ROBO1: variants seen among roughly 807,000 people sequenced by gnomAD.
ROBO1 encodes roundabout homolog 1.
Under a neutral mutation model 195.9 loss-of-function variants are expected in ROBO1, and 149 were observed. That is an observed-to-expected ratio of 0.76 (90% confidence interval 0.67 to 0.87). The LOEUF is 0.87. ROBO1 is among the 40% of genes least tolerant of loss of function. The probability of loss-of-function intolerance (pLI) is 0.00; values close to 1 mark genes in which losing one functional copy is unlikely to be tolerated. For missense variants in ROBO1, 1,933 were observed against 2,068.3 expected (o/e 0.93, Z 1.27); for synonymous variants, 816 against 733.2 (o/e 1.11, Z -1.82).
At chr3:79,268,904 AT>A (rs1480611773) in intron 2 of ROBO1, among the ~76,000 whole-genome samples, 1 of 151,674 alleles carries the variant, frequency 6.6e-6, no homozygotes, top group Admixed American at 6.6e-5. Flanking sequence ...CTGTTATATC[AT>A]TTTTTGGACA....
At chr3:79,528,311 C>CA (rs1310709288) in intron 2 of ROBO1, among the ~76,000 whole-genome samples, 2 of 152,052 alleles carry the variant, frequency 1.3e-5, no homozygotes, top group East Asian at 3.9e-4. Flanking sequence ...ATTTACTTTG[C>CA]AAAAAATGCT....
At chr3:79,625,422 T>TTAAAAAAAAAAAAAAAAA (rs1945136215) in intron 1 of ROBO1, among the ~76,000 whole-genome samples, 1 of 3,982 alleles carries the variant, frequency 2.5e-4, no homozygotes, top group Non-Finnish European at 4.5e-4. Context: ...CTGTTTTTTT[T>TTAAAAAAAAAAAAAAAAA]GAAAAAAAAA....
intron 2 of ROBO1, among the ~76,000 whole-genome samples, chr3:79,288,779 T>C (rs1319489224): frequency 6.6e-6 from 1 of 152,162 alleles, no homozygotes; most frequent in African/African-American, 2.4e-5. Context: ...TATTGTCCTT[T>C]TATATCTCGA....
intron 1 of ROBO1, among the ~76,000 whole-genome samples, chr3:79,671,047 G>T (rs1466457017): frequency 4.0e-5 from 6 of 151,876 alleles, no homozygotes; most frequent in African/African-American, 9.6e-5. Flanking sequence ...TGGAAAAAAA[G>T]CTGACTCCTA....
At chr3:79,646,514 T>G (rs1486886119) in intron 1 of ROBO1, among the ~76,000 whole-genome samples, 1 of 152,034 alleles carries the variant, frequency 6.6e-6, no homozygotes, top group Non-Finnish European at 1.5e-5. Flanking sequence ...TCAAAAATAA[T>G]ACAGAACTAC....
At chr3:78,795,042 G>A (rs2084141658) in intron 4 of ROBO1, among the ~76,000 whole-genome samples, 1 of 152,018 alleles carries the variant, frequency 6.6e-6, no homozygotes, top group South Asian at 2.1e-4. Flanking sequence ...TGATTTAACT[G>A]AAATTATGTC....
intron 2 of ROBO1, among the ~76,000 whole-genome samples, chr3:79,534,336 A>C (rs368684309): frequency 4.6e-5 from 7 of 152,176 alleles, no homozygotes; most frequent in East Asian, 1.9e-4. Flanking sequence ...ACTGAAATAG[A>C]AAACGAATAT....
intron 2 of ROBO1, among the ~76,000 whole-genome samples, chr3:79,332,698 A>G (rs2034496405): frequency 6.6e-6 from 1 of 152,198 alleles, no homozygotes; most frequent in Admixed American, 6.5e-5. Flanking sequence ...TGTTTTGGAA[A>G]TGGCCATATT....
At chr3:79,637,811 A>G (rs982362022) in intron 1 of ROBO1, among the ~76,000 whole-genome samples, 3 of 152,102 alleles carry the variant, frequency 2.0e-5, no homozygotes, top group African/African-American at 4.8e-5. Context: ...GTAATTCTAC[A>G]TAAGAGTCAA....
At chr3:78,967,076 A>G (rs1024013863) in intron 3 of ROBO1, among the ~76,000 whole-genome samples, 1 of 152,208 alleles carries the variant, frequency 6.6e-6, no homozygotes, top group Non-Finnish European at 1.5e-5. Flanking sequence ...AATGCTAGGT[A>G]TCCAGTTTCC....
intron 4 of ROBO1, among the ~76,000 whole-genome samples, chr3:78,817,627 T>A (rs2030232454): frequency 6.6e-6 from 1 of 151,852 alleles, no homozygotes; most frequent in Non-Finnish European, 1.5e-5. Context: ...AAGAAAAAAA[T>A]CAGAAAATTA....
At chr3:79,160,443 T>C (rs1049681912) in intron 2 of ROBO1, among the ~76,000 whole-genome samples, 3 of 152,066 alleles carry the variant, frequency 2.0e-5, no homozygotes, top group Non-Finnish European at 4.4e-5. Flanking sequence ...ATCTTTAGTA[T>C]GGCAGTGTCT....
intron 8 of ROBO1, among the ~76,000 whole-genome samples, chr3:78,694,076 A>T: frequency 6.6e-6 from 1 of 152,228 alleles, no homozygotes; most frequent in East Asian, 1.9e-4. Flanking sequence ...TGAATAAATT[A>T]CAAGAACTAA....
At chr3:79,116,514 T>C (rs1257286429) in intron 3 of ROBO1, among the ~76,000 whole-genome samples, 1 of 149,098 alleles carries the variant, frequency 6.7e-6, no homozygotes, top group Non-Finnish European at 1.5e-5. Flanking sequence ...TTCTTTTCTT[T>C]CTCTCTTTCT....
intron 1 of ROBO1, among the ~76,000 whole-genome samples, chr3:79,695,326 C>CA (rs1158584877): frequency 6.6e-6 from 1 of 151,604 alleles, no homozygotes; most frequent in Non-Finnish European, 1.5e-5. Context: ...CTCTCGTAAT[C>CA]AATGCAACAT....
chr3:79,762,984 G>A (rs1406585017), intron 1 of ROBO1, among the ~76,000 whole-genome samples: 1 of 152,154 alleles, frequency 6.6e-6, no homozygotes, highest in Admixed American at 6.5e-5. Context: ...GTGTCTTGAT[G>A]CATGATGTGC....
At chr3:79,009,784 T>C (rs1359065614) in intron 3 of ROBO1, among the ~76,000 whole-genome samples, 1 of 152,212 alleles carries the variant, frequency 6.6e-6, no homozygotes, top group Non-Finnish European at 1.5e-5. Context: ...TAACATGTTT[T>C]ATTATCAATA....
At chr3:79,287,679 T>C (rs922276716) in intron 2 of ROBO1, among the ~76,000 whole-genome samples, 3 of 152,190 alleles carry the variant, frequency 2.0e-5, no homozygotes, top group Non-Finnish European at 4.4e-5. Context: ...ATCCTGTTCA[T>C]TTTATGTCCT....
intron 1 of ROBO1, among the ~76,000 whole-genome samples, chr3:79,701,451 G>T (rs1016666778): frequency 1.3e-5 from 2 of 151,606 alleles, no homozygotes; most frequent in Non-Finnish European, 3.0e-5. Context: ...CGAGATGACA[G>T]AACTATGAGC....
Sources: gnomAD v4.1 joint callset for allele counts (sites outside exome capture counted in the v4.1 genomes callset) on GRCh38, gnomAD v4.1.1 for gene constraint, MANE v1.5 for transcripts, NCBI Gene and HGNC (gene_info 2026-07-23, HGNC 2026-07-21) for gene names.